Variants in LRRFIP1 observed in about 807,000 individuals in gnomAD.
LRRFIP1 encodes LRR binding FLII interacting protein 1, also known as leucine-rich repeat flightless-interacting protein 1.
LRRFIP1 carries 62 observed loss-of-function variants against 104.4 expected under a neutral mutation model. That is an observed-to-expected ratio of 0.59 (90% CI 0.48 to 0.73). The LOEUF (loss-of-function observed/expected upper bound fraction) is 0.73, where lower values mean the gene tolerates loss of function less well. LRRFIP1 is among the 30% of genes least tolerant of loss of function. The pLI, the probability that LRRFIP1 is intolerant of heterozygous loss-of-function variation, is 0.00. For missense variants in LRRFIP1, 796 were observed against 824.5 expected (o/e 0.97, Z 0.42); for synonymous variants, 300 against 299.0 (o/e 1.00, Z -0.03).
At chr2:237,665,583 C>T (rs2149494308) in intron 1 of LRRFIP1, among the ~76,000 whole-genome samples, 1 of 152,278 alleles carries the variant, frequency 6.6e-6, no homozygotes, top group East Asian at 1.9e-4. Flanking sequence ...CTGCCAAAAA[C>T]AACTACAAAA....
intron 1 of LRRFIP1, among the ~76,000 whole-genome samples, chr2:237,677,714 G>A (rs547931797): frequency 3.4e-4 from 52 of 152,212 alleles, no homozygotes; most frequent in Non-Finnish European, 5.9e-4. Context: ...TGTATTATCT[G>A]ATATTATCGA....
chr2:237,668,553 T>TG (rs1210823906), intron 1 of LRRFIP1, among the ~76,000 whole-genome samples: 2 of 152,150 alleles, frequency 1.3e-5, no homozygotes, highest in East Asian at 1.9e-4. Context: ...CTCTCTCCCA[T>TG]GGGGGTCTTA....
In LRRFIP1 at chr2:237,763,465, C is replaced by T. The variant is rs537156338; in HGVS notation, c.1459+3260C>T. On this transcript the variant is annotated intron_variant, in intron 19 of 23. Transcript: ENST00000308482. The stretch of plus-strand genomic sequence containing the variant: ...ACAAGAAGAAAAAATCCCCAGTACC[C>T]GTAGAAACCCTTAAAGATGTTAAAA... 186 of 1,612,976 alleles carry T rather than the reference C, an allele frequency of 1.2e-4. No individual in the cohort carries two copies. In the South Asian group the frequency reaches 1.7e-3, roughly 15 times the overall value.
At chr2:237,770,127 C>G (rs549341890) in intron 20 of LRRFIP1, 135 bp downstream of exon 20, 6 of 672,538 alleles carry the variant, frequency 8.9e-6, no homozygotes, top group Non-Finnish European at 1.3e-5. Flanking sequence ...AACTGGTGTT[C>G]TTAAGATTGC....
intron 1 of LRRFIP1, among the ~76,000 whole-genome samples, chr2:237,668,132 C>T (rs762808823): frequency 6.6e-5 from 10 of 152,096 alleles, no homozygotes; most frequent in South Asian, 2.1e-4. Flanking sequence ...TGAGCCGGGG[C>T]TCCCCCGAGC....
intron 8 of LRRFIP1, chr2:237,729,789 T>C (rs2094921810): frequency 2.0e-6 from 2 of 985,424 alleles, no homozygotes; most frequent in South Asian, 9.4e-5. Context: ...GAATTCCAGC[T>C]ACAGCGGTGA....
At chr2:237,749,557 G>A (rs1434959950) in intron 13 of LRRFIP1, among the ~76,000 whole-genome samples, 4 of 152,072 alleles carry the variant, frequency 2.6e-5, no homozygotes, top group South Asian at 2.1e-4. Flanking sequence ...ACCGTGTGCC[G>A]GCCCCCTGCG....
chr2:237,639,738 TTTTC>T (rs1238467311), intron 1 of LRRFIP1, among the ~76,000 whole-genome samples: 1 of 152,148 alleles, frequency 6.6e-6, no homozygotes, highest in Non-Finnish European at 1.5e-5. Context: ...ATCTGAAGTT[TTTTC>T]TTTCTTTTGT....
chr2:237,754,283 A>T (rs551426055), intron 15 of LRRFIP1, among the ~76,000 whole-genome samples: 2 of 152,342 alleles, frequency 1.3e-5, no homozygotes, highest in South Asian at 4.1e-4. Flanking sequence ...TCTACTTAAG[A>T]ATTAAATATA....
At chr2:237,763,145 A>G in intron 19 of LRRFIP1, 8 of 1,614,246 alleles carry the variant, frequency 5.0e-6, no homozygotes, top group Non-Finnish European at 6.8e-6. Context: ...AGAATTCACC[A>G]ACCAGGAAGC....
intron 1 of LRRFIP1, among the ~76,000 whole-genome samples, chr2:237,653,222 C>G (rs1313283348): frequency 6.6e-6 from 1 of 152,030 alleles, no homozygotes; most frequent in Non-Finnish European, 1.5e-5. Context: ...GTAATACACC[C>G]TGTCTCAAAA....
chr2:237,645,701 T>C (rs879453891), intron 1 of LRRFIP1, among the ~76,000 whole-genome samples: 5 of 152,028 alleles, frequency 3.3e-5, no homozygotes, highest in Non-Finnish European at 7.4e-5. Context: ...TCATCCTAAC[T>C]CAATGTCACT....
Position 237,749,212 on chromosome 2 carries a change from T to G in LRRFIP1, c.683T>G (p.Met228Arg). The G allele has an allele frequency of 6.2e-7, 1 of 1,613,468 alleles. No individual in the cohort carries two copies. ...KDFTEKGSRN[M>R]PGLSAATLAS... ...TCAACGTTCCAGGGGTCTCGTAACATGCCGGGCCTGTCTGCAGCCACGCTG... is the reference window on the plus strand; with the variant it reads ...TCAACGTTCCAGGGGTCTCGTAACAGGCCGGGCCTGTCTGCAGCCACGCTG... The change falls in exon 13 of 24, where the codon ATG becomes AGG. Residue 228 changes from methionine (M) to arginine (R), a missense_variant. Physicochemically the swap from Met to Arg is moderately conservative, Grantham distance 91 (BLOSUM62 -1). Transcript: ENST00000308482.
chr2:237,706,755 G>T (rs2093831216), intron 1 of LRRFIP1, among the ~76,000 whole-genome samples: 1 of 152,126 alleles, frequency 6.6e-6, no homozygotes, highest in African/African-American at 2.4e-5. Context: ...AGCCTCCCAA[G>T]TAGCTGGGAC....
At chr2:237,683,354 G>A (rs553301159) in intron 1 of LRRFIP1, 30 of 152,388 alleles carry the variant, frequency 2.0e-4, no homozygotes, top group African/African-American at 7.0e-4. Flanking sequence ...GGGTATAAAG[G>A]TGACGTGGTC....
chr2:237,723,553 G>C lies in LRRFIP1; in HGVS notation c.351G>C (p.Gln117His). ...SVGSRGSLRS[Q>H]PDLEYGGPYA... ...TGCCATCTTTCTTCTGACAGTCGCAGCCTGACTTGGAGTATGGGGGTCCTT... is the reference window on the plus strand; with the variant it reads ...TGCCATCTTTCTTCTGACAGTCGCACCCTGACTTGGAGTATGGGGGTCCTT... Residue 117 changes from glutamine (Q) to histidine (H), a missense_variant, in exon 7 of 24, where the codon CAG becomes CAC. Gln to His is a conservative substitution (Grantham distance 24, BLOSUM62 0). Coordinates refer to ENST00000308482, the MANE Select transcript of LRRFIP1 (RefSeq NM_001137550.2). 6.2e-7 allele frequency: 1 copy of C among 1,613,760 alleles called. No individual in the cohort carries two copies. The highest frequency in any genetic ancestry group is 1.3e-5 in the African/African-American group (1 of 74,992).
intron 1 of LRRFIP1, among the ~76,000 whole-genome samples, chr2:237,640,108 A>G (rs941035206): frequency 6.6e-6 from 1 of 152,180 alleles, no homozygotes; most frequent in African/African-American, 2.4e-5. Flanking sequence ...AAAAAGCCCT[A>G]GCTGACCACA....
rs2060701594 is a variant in LRRFIP1, at chr2:237,772,201, AAATGTC to A, written c.1627+7_1627+12del. On this transcript the variant is annotated splice_donor_5th_base_variant and intron_variant, in intron 21 of 23. Coordinates refer to ENST00000308482, the MANE Select transcript of LRRFIP1 (RefSeq NM_001137550.2). ...CATGCATGTAATGGACCTACAAAGT[AAATGTC>A]AATTCTTGTGTAGAAGTAAATGCTT... 6.2e-7 allele frequency: 1 copy of A among 1,602,132 alleles called. No homozygotes were observed. The highest frequency in any genetic ancestry group is 8.6e-7 in the Non-Finnish European group (1 of 1,169,226).
chr2:237,692,818 G>C (rs945552002), intron 1 of LRRFIP1, among the ~76,000 whole-genome samples: 3 of 152,264 alleles, frequency 2.0e-5, no homozygotes, highest in African/African-American at 7.2e-5. Context: ...GCTCTGACCA[G>C]GTCTGCGCCT....
Sources: allele counts gnomAD v4.1 joint callset (sites outside exome capture counted in the v4.1 genomes callset), GRCh38; gene constraint gnomAD v4.1.1; transcripts MANE v1.5; gene names NCBI Gene and HGNC (gene_info 2026-07-23, HGNC 2026-07-21).